Variants in SAXO1 observed in about 807,000 individuals in gnomAD.
The protein encoded by SAXO1 is 4930500O09Rik.
A neutral mutation model predicts 17.5 loss-of-function variants in SAXO1; 21 were observed. The ratio of observed to expected loss-of-function variants is 1.20; its 90% CI spans 0.85 to 1.72. The LOEUF is 1.72. Among genes scored for constraint, SAXO1 ranks in the 40% most tolerant of loss-of-function variants. The probability of loss-of-function intolerance (pLI) is 0.00; values close to 1 mark genes in which losing one functional copy is unlikely to be tolerated. For synonymous variants in SAXO1, 274 were observed against 216.5 expected, an observed-to-expected ratio of 1.27 and a Z score of -2.33; for missense variants, 843 against 596.0, an observed-to-expected ratio of 1.41 and a Z score of -4.32.
chr9:18,952,928 T>G (rs1832093797), intron 1 of SAXO1, among the ~76,000 whole-genome samples: 1 of 152,206 alleles, frequency 6.6e-6, no homozygotes, highest in Non-Finnish European at 1.5e-5. Flanking sequence ...TTAAAGTATC[T>G]TCTGCACATT....
upstream of SAXO1, among the ~76,000 whole-genome samples, chr9:19,036,945 A>G (rs767028257): frequency 2.0e-5 from 3 of 152,182 alleles, no homozygotes; most frequent in African/African-American, 7.2e-5. Context: ...TACCCTGGAA[A>G]GCCACAGGGG....
rs2131728377 is a variant in SAXO1, at chr9:18,950,703, T to A, written c.218+55A>T. 32 of 1,478,212 alleles carry A rather than the reference T, an allele frequency of 2.2e-5. No individual in the cohort carries two copies. In the South Asian group the frequency reaches 3.8e-4, roughly 18 times the overall value. The allele number at this position is 1,478,212 out of a possible 1,614,324, so 91.6% of individuals were successfully genotyped here. On this transcript the variant is annotated intron_variant, in intron 2 of 3. Transcript: ENST00000380534. ...ATTAATATTATACATTAGCACTGCA[T>A]GTTACTCCATTAGTGTTGTATGTAC...
intron 1 of SAXO1, among the ~76,000 whole-genome samples, chr9:19,028,330 C>T (rs1050861918): frequency 2.6e-5 from 4 of 152,058 alleles, no homozygotes; most frequent in Non-Finnish European, 4.4e-5. Flanking sequence ...AAGCCAAGAT[C>T]GCGCCATTGC....
At chr9:18,954,713 G>A (rs1219583204) in intron 1 of SAXO1, among the ~76,000 whole-genome samples, 1 of 152,080 alleles carries the variant, frequency 6.6e-6, no homozygotes, top group Non-Finnish European at 1.5e-5. Flanking sequence ...TTATGTAGAT[G>A]AAAAATCTGA....
chr9:18,977,231 T>G (rs542370526), intron 1 of SAXO1, among the ~76,000 whole-genome samples: 1 of 152,308 alleles, frequency 6.6e-6, no homozygotes, highest in African/African-American at 2.4e-5. Context: ...AAACCTCAAC[T>G]GAAAACTGTG....
intron 1 of SAXO1, among the ~76,000 whole-genome samples, chr9:18,951,943 G>A (rs929075465): frequency 7.2e-5 from 11 of 152,280 alleles, no homozygotes; most frequent in South Asian, 4.1e-4. Flanking sequence ...GAGTGTATAC[G>A]TGAATAATTA....
intron 1 of SAXO1, among the ~76,000 whole-genome samples, chr9:19,004,496 G>C (rs1388192309): frequency 6.6e-6 from 1 of 152,190 alleles, no homozygotes; most frequent in East Asian, 1.9e-4. Context: ...ACTGGATAAA[G>C]AAAATGTGAC....
chr9:18,996,737 TTAA>T (rs1834019983), intron 1 of SAXO1, among the ~76,000 whole-genome samples: 1 of 152,174 alleles, frequency 6.6e-6, no homozygotes, highest in Non-Finnish European at 1.5e-5. Flanking sequence ...AACATCATAC[TTAA>T]TGATGAAAAA....
At chr9:18,951,000 A>T in intron 1 of SAXO1, 63 bp from the exon 2 acceptor site, 1 of 1,492,696 alleles carries the variant, frequency 6.7e-7, no homozygotes, top group Non-Finnish European at 9.1e-7. Context: ...ATTTCCTAAG[A>T]GTACTTCCGC....
intron 1 of SAXO1, among the ~76,000 whole-genome samples, chr9:19,042,882 G>GAA (rs1427309972): frequency 6.6e-6 from 1 of 151,342 alleles, no homozygotes; most frequent in Non-Finnish European, 1.5e-5. Flanking sequence ...AAGAAAGAAA[G>GAA]AAAATGTGGC....
chr9:18,972,252 G>A (rs940857124), intron 1 of SAXO1, among the ~76,000 whole-genome samples: 2 of 152,148 alleles, frequency 1.3e-5, no homozygotes, highest in East Asian at 1.9e-4. Flanking sequence ...CAAAAAATAA[G>A]ATTCACAAAA....
rs774515004 is a variant in SAXO1, at chr9:18,928,455, T to C, written c.1022A>G (p.Lys341Arg). 31 of 1,611,232 alleles carry C rather than the reference T, an allele frequency of 1.9e-5. No individual in the cohort carries two copies. Among genetic ancestry groups the C allele is most frequent in the Admixed American group, 6.7e-5 (4 of 59,790 alleles). ...CGRFEGSSTT[K>R]DDYKQWSSMR... is the part of the protein sequence containing the mutation. ...GCTGGACCACTGCTTGTAGTCATCC[T>C]TGGTGGTGGAAGAGCCTTCAAAGCG... The change falls in exon 4 of 4, where the codon AAG (lysine) becomes AGG (arginine). Residue 341 changes from lysine (K) to arginine (R), a missense_variant. Physicochemically the swap from Lys to Arg is conservative, Grantham distance 26 (BLOSUM62 2). Coordinates refer to ENST00000380534, the MANE Select transcript of SAXO1 (RefSeq NM_153707.4).
At position 18,941,652 on chromosome 9, in the gene SAXO1, A is replaced by G; in HGVS notation, c.406T>C (p.Leu136=). The change falls in exon 3 of 4, where the codon TTG becomes CTG. Residue 136 remains leucine, a synonymous_variant. Transcript: ENST00000380534. The part of the protein sequence containing the change: ...KYPCSDKMEC[L]PTYKADYLPW... ...GCTCTCCCACCTTTATAAGTAGGCAAACACTCCATCTTGTCGCTACATGGA... is the reference window on the plus strand; with the variant it reads ...GCTCTCCCACCTTTATAAGTAGGCAGACACTCCATCTTGTCGCTACATGGA... The G allele has an allele frequency of 6.2e-7, 1 of 1,614,172 alleles. No homozygotes were observed. Among genetic ancestry groups the G allele is most frequent in the East Asian group, 2.2e-5 (1 of 44,874 alleles).
At chr9:19,043,350 A>C (rs548475818) in intron 1 of SAXO1, among the ~76,000 whole-genome samples, 1 of 152,334 alleles carries the variant, frequency 6.6e-6, no homozygotes, top group East Asian at 1.9e-4. Context: ...AAATTAAAAC[A>C]ATTGAACTCA....
chr9:18,959,932 A>G (rs1378221621), intron 1 of SAXO1, among the ~76,000 whole-genome samples: 1 of 152,200 alleles, frequency 6.6e-6, no homozygotes, highest in Non-Finnish European at 1.5e-5. Flanking sequence ...ATCAGCAGCA[A>G]TGCAAGGCTA....
Position 19,043,966 on chromosome 9 carries a change from G to A in SAXO1, c.-158+5243C>T, listed in dbSNP as rs545967321. 5.9e-4 allele frequency among the ~76,000 whole-genome samples: 90 copies of A among 152,048 alleles called. 2 individuals are homozygous for A. Among genetic ancestry groups the A allele is most frequent in the Middle Eastern group, 3.4e-3 (1 of 294 alleles). On this transcript the variant is annotated intron_variant, in intron 1 of 3. Transcript: ENST00000542071. ...TCGAGACCAGTCTGGCCAACATGGTGAAACCCTGTCTCTACTAAAAATACA... is the reference window on the plus strand; with the variant it reads ...TCGAGACCAGTCTGGCCAACATGGTAAAACCCTGTCTCTACTAAAAATACA...
At chr9:18,993,914 A>G (rs7038730) in intron 1 of SAXO1, among the ~76,000 whole-genome samples, 2 of 151,968 alleles carry the variant, frequency 1.3e-5, no homozygotes, top group African/African-American at 4.8e-5. Flanking sequence ...CTGAAATACC[A>G]AAGGTCTTGG....
chr9:19,037,155 C>T (rs757684737), upstream of SAXO1, among the ~76,000 whole-genome samples: 4 of 152,272 alleles, frequency 2.6e-5, no homozygotes, highest in East Asian at 1.9e-4. Flanking sequence ...TACCTATATC[C>T]GCATTTTATC....
intron 1 of SAXO1, among the ~76,000 whole-genome samples, chr9:18,956,864 G>A (rs1234766973): frequency 6.6e-6 from 1 of 152,174 alleles, no homozygotes; most frequent in Non-Finnish European, 1.5e-5. Flanking sequence ...GATGAGCGAG[G>A]CACTATCATC....
Sources: gnomAD v4.1 joint callset for allele counts (sites outside exome capture counted in the v4.1 genomes callset) on GRCh38, gnomAD v4.1.1 for gene constraint, MANE v1.5 for transcripts, NCBI Gene and HGNC (gene_info 2026-07-23, HGNC 2026-07-21) for gene names.